Variants in EYA2 observed in about 807,000 individuals in gnomAD.
EYA2 encodes EYA transcriptional coactivator and phosphatase 2.
In EYA2, 31 loss-of-function variants were observed where a neutral mutation model predicts 69.2. That is an observed-to-expected ratio of 0.45 (90% CI 0.34 to 0.60). EYA2 has a LOEUF of 0.60. Ranked by LOEUF, EYA2 falls within the 20% of genes least tolerant of loss-of-function variation. The pLI, the probability that EYA2 is intolerant of heterozygous loss-of-function variation, is 0.02. For synonymous variants in EYA2, 257 were observed against 279.4 expected (o/e 0.92, Z 0.80); for missense variants, 622 against 701.2 (o/e 0.89, Z 1.28).
At chr20:47,105,879 T>A (rs941553853) in intron 9 of EYA2, among the ~76,000 whole-genome samples, 2 of 152,024 alleles carry the variant, frequency 1.3e-5, no homozygotes, top group African/African-American at 4.8e-5. Flanking sequence ...AAAAAATCGA[T>A]CATGAAAGAA....
intron 1 of EYA2, among the ~76,000 whole-genome samples, chr20:46,928,813 G>A (rs2146247527): frequency 6.6e-6 from 1 of 152,308 alleles, no homozygotes; most frequent in African/African-American, 2.4e-5. Context: ...CAGATGGGGT[G>A]GCTTTCAGGG....
intron 1 of EYA2, among the ~76,000 whole-genome samples, chr20:46,910,220 A>G (rs1460523042): frequency 6.6e-6 from 1 of 152,160 alleles, no homozygotes; most frequent in Non-Finnish European, 1.5e-5. Flanking sequence ...GCCTTAGGAA[A>G]CTTACAATCA....
At position 47,116,796 on chromosome 20, in the gene EYA2, G is replaced by T. The variant is rs189860670; in HGVS notation, c.888+19628G>T. Among the ~76,000 whole-genome samples, 265 of 152,278 alleles carry T rather than the reference G, an allele frequency of 1.7e-3. 3 individuals carry two copies. Among genetic ancestry groups the T allele is most frequent in the African/African-American group, 6.0e-3 (251 of 41,548 alleles). ...CTTTGGCTCTGGGTCAGCATCCTGG[G>T]AGACCCAAACTAAGACATCGAGGAT... On this transcript the variant is annotated intron_variant, in intron 9 of 15. Transcript: ENST00000327619.
intron 9 of EYA2, among the ~76,000 whole-genome samples, chr20:47,127,412 T>A (rs1330728909): frequency 6.6e-6 from 1 of 152,194 alleles, no homozygotes; most frequent in African/African-American, 2.4e-5. Context: ...GAGACCAGCC[T>A]GGCCAACATG....
Position 47,016,297 on chromosome 20 carries a change from G to T in EYA2, c.415G>T (p.Gly139Cys). Residue 139 changes from glycine to cysteine, a missense_variant and splice_region_variant, in exon 5 of 16, where the codon GGC becomes TGC. Coordinates refer to ENST00000327619, the MANE Select transcript of EYA2 (RefSeq NM_005244.5). ...GQSPYTYQMH[G>C]TTGFYQGGNG... ...GAGCCCATACACCTACCAGATGCAC[G>T]GTCAGTGTGGCGCTGTGGCCCCTTC... is the stretch of plus-strand genomic sequence containing the variant. 1 of 1,611,824 alleles carries T rather than the reference G, an allele frequency of 6.2e-7. No homozygotes were observed. Among genetic ancestry groups the T allele is most frequent in the African/African-American group, 1.3e-5 (1 of 75,002 alleles).
chr20:47,156,703 T>C (rs2033959188), intron 10 of EYA2, among the ~76,000 whole-genome samples: 1 of 151,936 alleles, frequency 6.6e-6, no homozygotes, highest in Non-Finnish European at 1.5e-5. Context: ...TTAGCGCTCT[T>C]AAGATAAGTT....
chr20:47,146,898 T>G (rs2033713554), intron 10 of EYA2, among the ~76,000 whole-genome samples: 1 of 152,210 alleles, frequency 6.6e-6, no homozygotes, highest in East Asian at 1.9e-4. Context: ...GGCATTGACC[T>G]TCCAGTTCAG....
intron 1 of EYA2, among the ~76,000 whole-genome samples, chr20:46,923,750 A>G (rs1246555643): frequency 6.6e-6 from 1 of 152,152 alleles, no homozygotes; most frequent in Non-Finnish European, 1.5e-5. Context: ...TGGGTGAAAC[A>G]TTAACAGCAG....
chr20:46,912,228 A>G (rs1248243772), intron 1 of EYA2, among the ~76,000 whole-genome samples: 3 of 152,192 alleles, frequency 2.0e-5, no homozygotes, highest in Non-Finnish European at 2.9e-5. Flanking sequence ...AATGTTGCCT[A>G]CTACATGTTC....
At chr20:47,001,350 TG>T in intron 2 of EYA2, 77 bp from the exon 3 acceptor site, 3 of 1,258,840 alleles carry the variant, frequency 2.4e-6, no homozygotes, top group South Asian at 2.4e-5. Flanking sequence ...CCTGCTTAAG[TG>T]GTGTCTGAAG....
At chr20:47,175,853 C>A (rs2034416406) in intron 12 of EYA2, among the ~76,000 whole-genome samples, 1 of 152,140 alleles carries the variant, frequency 6.6e-6, no homozygotes, top group African/African-American at 2.4e-5. Flanking sequence ...AGAGGAAAAC[C>A]AGAGGCCGTG....
At chr20:47,043,404 C>T (rs1416711763) in intron 5 of EYA2, among the ~76,000 whole-genome samples, 1 of 152,172 alleles carries the variant, frequency 6.6e-6, no homozygotes, top group Non-Finnish European at 1.5e-5. Context: ...GTGTCAGGTG[C>T]CTTCCAACAC....
chr20:46,907,491 AG>A (rs1984416831), intron 1 of EYA2, among the ~76,000 whole-genome samples: 2 of 152,218 alleles, frequency 1.3e-5, no homozygotes, highest in Admixed American at 1.3e-4. Flanking sequence ...CCCTCTTTCA[AG>A]ACGAGTGAGG....
chr20:46,938,054 A>G (rs1255052189), intron 1 of EYA2, among the ~76,000 whole-genome samples: 3 of 152,228 alleles, frequency 2.0e-5, no homozygotes, highest in Non-Finnish European at 4.4e-5. Flanking sequence ...GAGGTTAAGT[A>G]TCCCTAAGGA....
At chr20:46,976,006 G>A (rs1980435424) in intron 1 of EYA2, among the ~76,000 whole-genome samples, 1 of 152,242 alleles carries the variant, frequency 6.6e-6, no homozygotes, top group South Asian at 2.1e-4. Flanking sequence ...CTAGGACTCA[G>A]TCCGCTTGGC....
intron 10 of EYA2, among the ~76,000 whole-genome samples, chr20:47,167,437 C>A (rs1183520033): frequency 6.6e-6 from 1 of 151,950 alleles, no homozygotes; most frequent in Non-Finnish European, 1.5e-5. Flanking sequence ...TGTGCACCAC[C>A]ATGCCCAGCT....
At chr20:47,175,148 G>A (rs1009165231) in intron 12 of EYA2, among the ~76,000 whole-genome samples, 10 of 152,230 alleles carry the variant, frequency 6.6e-5, no homozygotes, top group Admixed American at 6.5e-4. Flanking sequence ...CCCACAGCCA[G>A]CGGCATGCCG....
intron 5 of EYA2, among the ~76,000 whole-genome samples, chr20:47,057,139 G>GAGGGAGGGAGGAAGGAAGGA (rs372743294): frequency 7.7e-6 from 1 of 129,090 alleles, no homozygotes; most frequent in African/African-American, 3.0e-5. Flanking sequence ...AGGAAGGAGG[G>GAGGGAGGGAGGAAGGAAGGA]AGGAAGGAAG....
chr20:47,027,008 A>T (rs927776304), intron 5 of EYA2, among the ~76,000 whole-genome samples: 4 of 31,014 alleles, frequency 1.3e-4, no homozygotes, highest in African/African-American at 2.6e-4. Flanking sequence ...CTTGCTCCAT[A>T]TTTTAACTGA....
Sources: gnomAD v4.1 joint callset for allele counts (sites outside exome capture counted in the v4.1 genomes callset) on GRCh38, gnomAD v4.1.1 for gene constraint, MANE v1.5 for transcripts, NCBI Gene and HGNC (gene_info 2026-07-23, HGNC 2026-07-21) for gene names.